JARID2: variants seen among roughly 807,000 people sequenced by gnomAD.
The protein encoded by JARID2 is jumonji and AT-rich interaction domain containing 2, also known as protein Jumonji.
A neutral mutation model predicts 125.6 loss-of-function variants in JARID2; 21 were observed. The ratio of observed to expected loss-of-function variants is 0.17; its 90% CI spans 0.12 to 0.24. JARID2 has a LOEUF of 0.24. Among genes scored for constraint, JARID2 ranks in the 10% least tolerant of loss-of-function variants. JARID2 has a pLI of 1.00. For missense variants in JARID2, 1,303 were observed against 1,639.6 expected, an observed-to-expected ratio of 0.79 and a Z score of 3.55; for synonymous variants, 736 against 661.6, an observed-to-expected ratio of 1.11 and a Z score of -1.73.
At chr6:15,323,786 T>C (rs1762435595) in intron 1 of JARID2, among the ~76,000 whole-genome samples, 1 of 151,910 alleles carries the variant, frequency 6.6e-6, no homozygotes. Flanking sequence ...TCCCAGCTAC[T>C]CTGGAGGCCA....
chr6:15,248,769 G>A (rs1005598236), intron 1 of JARID2: 1 of 250,154 alleles, frequency 4.0e-6, no homozygotes, highest in African/African-American at 2.3e-5. Flanking sequence ...ACGGGCTCGG[G>A]TGGAACCTTC....
chr6:15,509,772 C>T (rs1057119129), intron 12 of JARID2, among the ~76,000 whole-genome samples: 3 of 152,178 alleles, frequency 2.0e-5, no homozygotes, highest in African/African-American at 7.2e-5. Flanking sequence ...TGTGGGTTTG[C>T]TTATGGCTTG....
chr6:15,400,823 C>T (rs1347047278), intron 2 of JARID2: 7 of 1,267,590 alleles, frequency 5.5e-6, no homozygotes, highest in South Asian at 1.3e-5. Flanking sequence ...TCTGCACTGC[C>T]GCTTGCTTAT....
intron 5 of JARID2, among the ~76,000 whole-genome samples, chr6:15,475,712 T>G (rs561857658): frequency 5.3e-5 from 8 of 152,340 alleles, no homozygotes; most frequent in African/African-American, 1.7e-4. Flanking sequence ...GTTCTCTGGC[T>G]GCATGGAAAG....
chr6:15,492,733 C>G (rs529682428), intron 6 of JARID2, among the ~76,000 whole-genome samples: 1 of 152,154 alleles, frequency 6.6e-6, no homozygotes, highest in African/African-American at 2.4e-5. Flanking sequence ...GCATAGAACA[C>G]GGACCCTCTG....
chr6:15,415,809 C>T (rs1766158133), intron 3 of JARID2, among the ~76,000 whole-genome samples: 1 of 130,822 alleles, frequency 7.6e-6, no homozygotes, highest in African/African-American at 2.9e-5. Flanking sequence ...GGGCGGCTGG[C>T]CGGGCGGGGG....
chr6:15,401,105 G>T, intron 2 of JARID2: 1 of 1,288,064 alleles, frequency 7.8e-7, no homozygotes, highest in Non-Finnish European at 1.0e-6. Context: ...AGGCCTTTGT[G>T]GGTTTCCCTG....
chr6:15,309,332 GT>G (rs1002426779), intron 1 of JARID2, among the ~76,000 whole-genome samples: 1 of 151,782 alleles, frequency 6.6e-6, no homozygotes, highest in African/African-American at 2.4e-5. Context: ...GACATTCCAT[GT>G]TTTAAGCATC....
At chr6:15,513,664 C>A (rs908354722) in intron 16 of JARID2, among the ~76,000 whole-genome samples, 1 of 152,256 alleles carries the variant, frequency 6.6e-6, no homozygotes, top group Non-Finnish European at 1.5e-5. Flanking sequence ...TCCCTCGGTC[C>A]TGCAGTGCGT....
At position 15,398,426 on chromosome 6, in the gene JARID2, C is replaced by A. The variant is rs145991509; in HGVS notation, c.182-11798C>A. ...AATATTGTAAGTTGTGTTGTTATTC[C>A]TAAATTGAATCCATTTCTTAGTGTT... On this transcript the variant is annotated intron_variant, in intron 2 of 17. Transcript: ENST00000341776. Among the ~76,000 whole-genome samples the A allele has an allele frequency of 2.8e-4, 42 of 152,306 alleles. No homozygotes were observed. In the East Asian group the frequency reaches 7.7e-3, roughly 28 times the overall value.
chr6:15,515,232 G>T (rs935790385), intron 16 of JARID2, among the ~76,000 whole-genome samples: 1 of 151,932 alleles, frequency 6.6e-6, no homozygotes, highest in Non-Finnish European at 1.5e-5. Context: ...GTAGAGATGG[G>T]GTTTTGCTGT....
intron 1 of JARID2, among the ~76,000 whole-genome samples, chr6:15,283,889 A>G (rs1033328281): frequency 5.9e-5 from 9 of 151,418 alleles, no homozygotes; most frequent in Non-Finnish European, 1.3e-4. Context: ...TTGAATTTTT[A>G]GTAGAGATGG....
chr6:15,368,866 G>A (rs1764067396), intron 1 of JARID2: 1 of 364,190 alleles, frequency 2.7e-6, no homozygotes, highest in South Asian at 2.0e-5. Context: ...ATTTTGCAGA[G>A]CAGAGCTTCT....
chr6:15,486,635 A>G (rs943716559), intron 5 of JARID2, among the ~76,000 whole-genome samples: 4 of 152,198 alleles, frequency 2.6e-5, no homozygotes, highest in African/African-American at 4.8e-5. Context: ...GCTATTAGCT[A>G]TTGCTGTTTT....
At chr6:15,407,224 G>A (rs1765686794) in intron 2 of JARID2, among the ~76,000 whole-genome samples, 1 of 152,058 alleles carries the variant, frequency 6.6e-6, no homozygotes, top group African/African-American at 2.4e-5. Flanking sequence ...GCATGTCACC[G>A]CACTCTAGCA....
At position 15,463,401 on chromosome 6, in the gene JARID2, C is replaced by G. The variant is rs1193515159; in HGVS notation, c.494-5141C>G. Among the ~76,000 whole-genome samples the G allele has an allele frequency of 2.7e-5, 4 of 148,482 alleles. No homozygotes were observed. The Admixed American group carries it at 2.7e-4, about 10-fold the overall frequency. On this transcript the variant is annotated intron_variant, in intron 4 of 17. Transcript: ENST00000341776. ...GAGTCCACCCCTGAGAACGCAAGGT[C>G]ATGTGGGGTTGTGGAGCCCTTTCCT...
intron 1 of JARID2, among the ~76,000 whole-genome samples, chr6:15,344,470 C>A (rs573254225): frequency 1.3e-5 from 2 of 151,582 alleles, no homozygotes; most frequent in African/African-American, 2.4e-5. Context: ...TAAAAAAAAA[C>A]CAACGCAGCT....
chr6:15,274,068 A>G (rs952672719), intron 1 of JARID2, among the ~76,000 whole-genome samples: 2 of 151,888 alleles, frequency 1.3e-5, no homozygotes, highest in African/African-American at 4.8e-5. Context: ...AGATGGGACT[A>G]TAGGCGCCCG....
chr6:15,299,228 A>G (rs1581385595), intron 1 of JARID2, among the ~76,000 whole-genome samples: 1 of 152,284 alleles, frequency 6.6e-6, no homozygotes. Flanking sequence ...AAGTCTTGTA[A>G]AGAACGTTGA....
Sources: gnomAD v4.1 joint callset for allele counts (sites outside exome capture counted in the v4.1 genomes callset) on GRCh38, gnomAD v4.1.1 for gene constraint, MANE v1.5 for transcripts, NCBI Gene and HGNC (gene_info 2026-07-23, HGNC 2026-07-21) for gene names.